SH3BGRL2: variants seen among roughly 807,000 people sequenced by gnomAD.
SH3BGRL2 encodes the protein SH3 domain-binding glutamic acid-rich-like protein 2.
A neutral mutation model predicts 14.8 loss-of-function variants in SH3BGRL2; 21 were observed. The ratio of observed to expected loss-of-function variants is 1.42; its 90% CI spans 1.01 to 2.05. SH3BGRL2 has a LOEUF of 2.05. Ranked by LOEUF, SH3BGRL2 falls within the 30% of genes most tolerant of loss-of-function variation. SH3BGRL2 has a pLI of 0.00. For synonymous variants in SH3BGRL2, 50 were observed against 47.8 expected, an observed-to-expected ratio of 1.05 and a Z score of -0.19; for missense variants, 147 against 130.8, an observed-to-expected ratio of 1.12 and a Z score of -0.61.
At chr6:79,575,136 A>G in the SH3BGRL2 span, 1 of 152,252 alleles carries the variant, frequency 6.6e-6, no homozygotes, top group Non-Finnish European at 1.5e-5. Context: ...AACTACAGCC[A>G]TCTCTCATCA....
chr6:79,698,911 C>T (rs1770386577), intron 3 of SH3BGRL2, among the ~76,000 whole-genome samples: 1 of 152,106 alleles, frequency 6.6e-6, no homozygotes, highest in Non-Finnish European at 1.5e-5. Flanking sequence ...AAGGGCCTGT[C>T]ATAGAAGATT....
At chr6:79,625,365 A>C in the SH3BGRL2 span, among the ~76,000 whole-genome samples, 1 of 152,104 alleles carries the variant, frequency 6.6e-6, no homozygotes, top group Non-Finnish European at 1.5e-5. Context: ...TTTGATCAAG[A>C]ATAGACAGAA....
At chr6:79,669,749 G>T (rs1448396041) in intron 1 of SH3BGRL2, among the ~76,000 whole-genome samples, 1 of 152,006 alleles carries the variant, frequency 6.6e-6, no homozygotes, top group Non-Finnish European at 1.5e-5. Context: ...CCAGCCAGGG[G>T]ATTTATATTC....
the SH3BGRL2 span, among the ~76,000 whole-genome samples, chr6:79,582,551 A>C: frequency 8.3e-4 from 127 of 152,352 alleles, no homozygotes; most frequent in Non-Finnish European, 1.4e-3. Context: ...TTCCCTATTT[A>C]ATAAGTGGTG....
the SH3BGRL2 span, among the ~76,000 whole-genome samples, chr6:79,589,941 T>C: frequency 6.6e-6 from 1 of 152,184 alleles, no homozygotes; most frequent in East Asian, 1.9e-4. Context: ...CCCACTAATT[T>C]TTGTTTTTTT....
chr6:79,546,756 T>C, the SH3BGRL2 span, among the ~76,000 whole-genome samples: 1 of 151,868 alleles, frequency 6.6e-6, no homozygotes, highest in African/African-American at 2.4e-5. Flanking sequence ...GGAGTGCAAT[T>C]ATCTCAGCTC....
intron 1 of SH3BGRL2, 105 bp downstream of exon 1, chr6:79,631,611 C>T (rs1393809626): frequency 3.5e-6 from 3 of 866,016 alleles, no homozygotes; most frequent in Admixed American, 4.4e-5. Flanking sequence ...GCCGGTCCGC[C>T]CGCGGGAGCC....
chr6:79,658,580 G>A (rs1769472065), intron 1 of SH3BGRL2, among the ~76,000 whole-genome samples: 1 of 152,100 alleles, frequency 6.6e-6, no homozygotes, highest in African/African-American at 2.4e-5. Context: ...CTTTCCTATT[G>A]TGAATAGTGC....
At chr6:79,581,833 G>A in the SH3BGRL2 span, among the ~76,000 whole-genome samples, 3 of 152,164 alleles carry the variant, frequency 2.0e-5, no homozygotes, top group Non-Finnish European at 4.4e-5. Flanking sequence ...TAGGAAATGA[G>A]GAAGTCAAAT....
At chr6:79,697,985 C>T (rs1014738828) in intron 3 of SH3BGRL2, among the ~76,000 whole-genome samples, 7 of 152,170 alleles carry the variant, frequency 4.6e-5, no homozygotes, top group African/African-American at 1.7e-4. Flanking sequence ...ACCAGTTTCT[C>T]AGGAAATCTA....
At chr6:79,540,574 T>G in the SH3BGRL2 span, among the ~76,000 whole-genome samples, 1 of 152,202 alleles carries the variant, frequency 6.6e-6, no homozygotes, top group Non-Finnish European at 1.5e-5. Flanking sequence ...GCTAGTAGCC[T>G]TTGATTATTG....
chr6:79,592,987 G>A, the SH3BGRL2 span, among the ~76,000 whole-genome samples: 1 of 152,114 alleles, frequency 6.6e-6, no homozygotes, highest in East Asian at 1.9e-4. Flanking sequence ...ACAATTAACA[G>A]TGATTGAGAT....
the SH3BGRL2 span, among the ~76,000 whole-genome samples, chr6:79,577,717 A>G: frequency 7.9e-4 from 120 of 152,354 alleles, no homozygotes; most frequent in African/African-American, 2.7e-3. Flanking sequence ...TGCAGAAGAC[A>G]GGTGATTTCT....
intron 1 of SH3BGRL2, among the ~76,000 whole-genome samples, chr6:79,651,625 A>G (rs1769297847): frequency 6.6e-6 from 1 of 152,178 alleles, no homozygotes; most frequent in Admixed American, 6.5e-5. Context: ...GCTGCTGGGT[A>G]TAAGCAGCCC....
At chr6:79,689,800 C>T (rs942149373) in intron 2 of SH3BGRL2, among the ~76,000 whole-genome samples, 1 of 152,112 alleles carries the variant, frequency 6.6e-6, no homozygotes, top group Non-Finnish European at 1.5e-5. Context: ...AACATTAAGT[C>T]TCATTGTACC....
intron 1 of SH3BGRL2, among the ~76,000 whole-genome samples, chr6:79,644,728 C>G (rs972670875): frequency 6.6e-6 from 1 of 152,000 alleles, no homozygotes; most frequent in East Asian, 1.9e-4. Context: ...GTTGTTGAAG[C>G]TTAATGAAAT....
At chr6:79,666,967 G>A (rs1377685313) in intron 1 of SH3BGRL2, among the ~76,000 whole-genome samples, 1 of 152,222 alleles carries the variant, frequency 6.6e-6, no homozygotes, top group Non-Finnish European at 1.5e-5. Context: ...TAGTATGTTT[G>A]AGTGAATGAA....
chr6:79,539,888 C>T, the SH3BGRL2 span, among the ~76,000 whole-genome samples: 2 of 152,126 alleles, frequency 1.3e-5, no homozygotes, highest in Non-Finnish European at 2.9e-5. Flanking sequence ...GTTCAGTCAT[C>T]TATTTCATAC....
the SH3BGRL2 span, among the ~76,000 whole-genome samples, chr6:79,599,329 T>C: frequency 1.3e-5 from 2 of 151,968 alleles, no homozygotes; most frequent in Non-Finnish European, 2.9e-5. Context: ...TACCCTTTCT[T>C]GCACTAAACA....
Sources: gnomAD v4.1 joint callset for allele counts (sites outside exome capture counted in the v4.1 genomes callset) on GRCh38, gnomAD v4.1.1 for gene constraint, MANE v1.5 for transcripts, NCBI Gene and HGNC (gene_info 2026-07-23, HGNC 2026-07-21) for gene names.